The following KCNU1 variants were observed in gnomAD, a reference collection of about 807,000 sequenced individuals.
KCNU1 encodes the protein potassium calcium-activated channel subfamily U member 1, also known as potassium channel subfamily U member 1.
In KCNU1, 93 loss-of-function variants were observed where a neutral mutation model predicts 126.8. The ratio of observed to expected loss-of-function variants is 0.73; its 90% confidence interval spans 0.62 to 0.87. The LOEUF (loss-of-function observed/expected upper bound fraction) is 0.87, where lower values mean the gene tolerates loss of function less well. KCNU1 is among the 40% of genes least tolerant of loss of function. The pLI, the probability that KCNU1 is intolerant of heterozygous loss-of-function variation, is 0.00. For synonymous variants in KCNU1, 523 were observed against 494.2 expected (o/e 1.06, Z -0.77); for missense variants, 1,330 against 1,367.1 (o/e 0.97, Z 0.43).
intron 10 of KCNU1, among the ~76,000 whole-genome samples, chr8:36,820,919 A>T (rs1464544360): frequency 1.3e-5 from 2 of 152,174 alleles, no homozygotes; most frequent in Non-Finnish European, 2.9e-5. Flanking sequence ...GACATTGTCA[A>T]AGTGGAGAGA....
chr8:36,929,838 G>A (rs1303362327), intron 24 of KCNU1, among the ~76,000 whole-genome samples: 3 of 152,090 alleles, frequency 2.0e-5, no homozygotes, highest in African/African-American at 7.2e-5. Context: ...GGTTGAGGAG[G>A]TGGAGGTCAC....
At chr8:36,899,519 C>G (rs1243764131) in intron 19 of KCNU1, among the ~76,000 whole-genome samples, 2 of 151,934 alleles carry the variant, frequency 1.3e-5, no homozygotes, top group African/African-American at 2.4e-5. Flanking sequence ...TTAAAAACAC[C>G]ATTTACAGAT....
intron 7 of KCNU1, 103 bp from the exon 8 acceptor site, chr8:36,814,104 T>C: frequency 1.2e-6 from 1 of 812,836 alleles, no homozygotes; most frequent in Non-Finnish European, 2.0e-6. Flanking sequence ...GGTATTTCAT[T>C]TGGATTGAAT....
chr8:36,931,582 A>G (rs967181783), intron 25 of KCNU1, among the ~76,000 whole-genome samples: 3 of 152,084 alleles, frequency 2.0e-5, no homozygotes, highest in Non-Finnish European at 4.4e-5. Context: ...TATTAATTCT[A>G]TTTAACAGAT....
chr8:36,841,912 C>T (rs1235497324), intron 16 of KCNU1, among the ~76,000 whole-genome samples: 1 of 150,296 alleles, frequency 6.7e-6, no homozygotes, highest in Non-Finnish European at 1.5e-5. Context: ...TATACATAAA[C>T]ATAAATGGAA....
chr8:36,894,527 A>G (rs753682105), intron 19 of KCNU1, among the ~76,000 whole-genome samples: 4 of 152,152 alleles, frequency 2.6e-5, no homozygotes, highest in Non-Finnish European at 5.9e-5. Flanking sequence ...AATTGAAGAC[A>G]TCAGAAGCAA....
At chr8:36,837,199 C>T (rs575686137) in intron 14 of KCNU1, among the ~76,000 whole-genome samples, 1 of 152,170 alleles carries the variant, frequency 6.6e-6, no homozygotes, top group South Asian at 2.1e-4. Context: ...ACTCTGCTTC[C>T]TACCTACAGT....
intron 20 of KCNU1, 80 bp from the exon 21 acceptor site, chr8:36,909,231 G>A: frequency 2.4e-6 from 2 of 839,776 alleles, no homozygotes; most frequent in Non-Finnish European, 4.1e-6. Flanking sequence ...AGAAGAATTG[G>A]GAGGAGAAGA....
chr8:36,873,259 C>T (rs1318205813), intron 19 of KCNU1, among the ~76,000 whole-genome samples: 1 of 152,002 alleles, frequency 6.6e-6, no homozygotes, highest in African/African-American at 2.4e-5. Flanking sequence ...CTTTCCTTCC[C>T]CTGGCCCCAA....
intron 19 of KCNU1, among the ~76,000 whole-genome samples, chr8:36,869,998 C>T (rs1217078156): frequency 3.3e-5 from 5 of 152,138 alleles, no homozygotes; most frequent in African/African-American, 7.2e-5. Context: ...TGAAGATCTA[C>T]GATGCAGTAG....
At chr8:36,886,992 G>A (rs1249857591) in intron 19 of KCNU1, among the ~76,000 whole-genome samples, 3 of 151,844 alleles carry the variant, frequency 2.0e-5, no homozygotes, top group Non-Finnish European at 2.9e-5. Context: ...TTTTTTTATG[G>A]CTGTGTAGTA....
intron 18 of KCNU1, among the ~76,000 whole-genome samples, chr8:36,854,800 A>G (rs551677372): frequency 5.1e-4 from 77 of 152,222 alleles, no homozygotes; most frequent in Non-Finnish European, 1.1e-3. Flanking sequence ...CAAGTCTTAT[A>G]ACTTTTTGTT....
chr8:36,840,986 C>T lies in KCNU1; in HGVS notation c.1686C>T (p.Leu562=). The stretch of plus-strand genomic sequence containing the variant: ...TGATAGCCATCGAATACAAGTCCCT[C>T]TTTACGGATGGTTTCTGGTACCAAT... ...LLLIAIEYKS[L]FTDGFCGLIL... Residue 562 remains leucine, a synonymous_variant, in exon 16 of 27, where the codon CTC becomes CTT. Coordinates refer to ENST00000399881, the MANE Select transcript of KCNU1 (RefSeq NM_001031836.3). The T allele has an allele frequency of 6.3e-7, 1 of 1,588,130 alleles. No individual in the cohort carries two copies. Among genetic ancestry groups the T allele is most frequent in the Non-Finnish European group, 8.6e-7 (1 of 1,158,846 alleles).
At chr8:36,819,203 G>T (rs953845655) in intron 10 of KCNU1, among the ~76,000 whole-genome samples, 11 of 151,878 alleles carry the variant, frequency 7.2e-5, no homozygotes, top group African/African-American at 2.7e-4. Context: ...ATTCTCTGTG[G>T]CTTCATATTT....
At chr8:36,932,207 C>T (rs1029629885) in intron 25 of KCNU1, among the ~76,000 whole-genome samples, 2 of 152,090 alleles carry the variant, frequency 1.3e-5, no homozygotes, top group Non-Finnish European at 2.9e-5. Flanking sequence ...TTTGCATTTC[C>T]GTAGTCCCGG....
At chr8:36,803,929 C>G in intron 2 of KCNU1, 98 bp from the exon 3 acceptor site, 1 of 772,672 alleles carries the variant, frequency 1.3e-6, no homozygotes, top group South Asian at 1.5e-5. Context: ...AATGGCTACA[C>G]GTACACAGGC....
In KCNU1 at chr8:36,931,102, TG is replaced by T. The variant is rs1329875551; in HGVS notation, c.2892del (p.Leu965PhefsTer26). 1 of 1,611,698 alleles carries T rather than the reference TG, an allele frequency of 6.2e-7. No homozygotes were observed. Among genetic ancestry groups the T allele is most frequent in the Admixed American group, 1.7e-5 (1 of 59,744 alleles). On this transcript the variant is annotated frameshift_variant, in exon 25 of 27. Transcript: ENST00000399881. LOFTEE classifies it high-confidence loss of function. ...SLLSGRNRCKLGLLSLHETIL... is the reference protein window; with the variant it reads ...SLLSGRNRCKXGLLSLHETIL... ...TTGTCTGGAAGAAACCGGTGTAAGC[TG>T]GGGCTTCTGTCCTTACACGAAACCA... is the stretch of plus-strand genomic sequence containing the variant.
intron 11 of KCNU1, among the ~76,000 whole-genome samples, chr8:36,834,087 TA>T (rs1184449967): frequency 3.9e-5 from 6 of 152,116 alleles, no homozygotes; most frequent in Non-Finnish European, 7.4e-5. Flanking sequence ...AGGAAAAACA[TA>T]AAGGAAAATA....
rs370700098 is a variant in KCNU1, at chr8:36,845,838, G to T, written c.1830G>T (p.Val610=). 19 of 1,610,228 alleles carry T rather than the reference G, an allele frequency of 1.2e-5. No individual in the cohort carries two copies. The highest frequency in any genetic ancestry group is 2.7e-5 in the African/African-American group (2 of 75,030). The change falls in exon 18 of 27, where the codon GTG becomes GTT. Residue 610 remains valine, a synonymous_variant. Coordinates refer to ENST00000399881, the MANE Select transcript of KCNU1 (RefSeq NM_001031836.3). ...ACTGTTCAGTCTGTCATGATGATGT[G>T]TTCATTCCTGAGCTAATTACAAACT... ...LFYCSVCHDD[V]FIPELITNCG... is the part of the protein sequence containing the mutation.
Sources: gnomAD v4.1 joint callset for allele counts (sites outside exome capture counted in the v4.1 genomes callset) on GRCh38, gnomAD v4.1.1 for gene constraint, MANE v1.5 for transcripts, NCBI Gene and HGNC (gene_info 2026-07-23, HGNC 2026-07-21) for gene names.